ADAMTS2: variants seen among roughly 807,000 people sequenced by gnomAD.
ADAMTS2 encodes ADAM metallopeptidase with thrombospondin type 1 motif 2.
ADAMTS2 carries 50 observed loss-of-function variants against 123.0 expected under a neutral mutation model. That is an observed-to-expected ratio of 0.41 (90% CI 0.32 to 0.51). ADAMTS2 has a LOEUF of 0.51. Ranked by LOEUF, ADAMTS2 falls within the 20% of genes least tolerant of loss-of-function variation. The probability of loss-of-function intolerance (pLI) is 0.35; values close to 1 mark genes in which losing one functional copy is unlikely to be tolerated. For missense variants in ADAMTS2, 1,494 were observed against 1,705.2 expected (o/e 0.88, Z 2.18); for synonymous variants, 678 against 695.4 (o/e 0.98, Z 0.39).
intron 2 of ADAMTS2, among the ~76,000 whole-genome samples, chr5:179,299,087 A>T (rs926470246): frequency 2.0e-4 from 31 of 152,202 alleles, no homozygotes; most frequent in African/African-American, 7.5e-4. Flanking sequence ...TCAAGAGGGC[A>T]GAAGAGAGAG....
At chr5:179,238,992 C>T (rs545908446) in intron 3 of ADAMTS2, among the ~76,000 whole-genome samples, 54 of 151,018 alleles carry the variant, frequency 3.6e-4, no homozygotes, top group African/African-American at 1.1e-3. Flanking sequence ...GGAGGAAGGA[C>T]GACAGCTAAG....
At chr5:179,321,472 A>G (rs578003878) in intron 2 of ADAMTS2, among the ~76,000 whole-genome samples, 1 of 152,024 alleles carries the variant, frequency 6.6e-6, no homozygotes, top group East Asian at 1.9e-4. Flanking sequence ...GCCCCCTGCC[A>G]TCCCAATTCC....
At chr5:179,237,115 A>G (rs1765547161) in intron 3 of ADAMTS2, among the ~76,000 whole-genome samples, 1 of 151,986 alleles carries the variant, frequency 6.6e-6, no homozygotes, top group Admixed American at 6.5e-5. Flanking sequence ...AAAAAAAAAT[A>G]TGTTGCATGT....
intron 2 of ADAMTS2, among the ~76,000 whole-genome samples, chr5:179,299,924 C>G (rs547509514): frequency 1.3e-5 from 2 of 151,858 alleles, no homozygotes; most frequent in African/African-American, 4.8e-5. Flanking sequence ...GAAACCCCGT[C>G]TCTACTAAAA....
intron 2 of ADAMTS2, among the ~76,000 whole-genome samples, chr5:179,291,148 G>A (rs111533553): frequency 7.9e-5 from 12 of 152,322 alleles, no homozygotes; most frequent in Admixed American, 2.0e-4. Flanking sequence ...ATGCTGACAC[G>A]TGGGTTTTGA....
In ADAMTS2 at chr5:179,299,315, G is replaced by A. The variant is rs377336695; in HGVS notation, c.535-26251C>T. Among the ~76,000 whole-genome samples the A allele has an allele frequency of 1.4e-4, 15 of 108,630 alleles. No homozygotes were observed. In the East Asian group the frequency reaches 1.9e-3, roughly 14 times the overall value. 71.3% of individuals were successfully genotyped at this position (108,630 alleles called of 152,430 possible). On this transcript the variant is annotated intron_variant, in intron 2 of 21. Coordinates refer to ENST00000251582, the MANE Select transcript of ADAMTS2 (RefSeq NM_014244.5). Reference sequence around the variant, plus strand: ...GAGGCTGAGGCGGGCGGATCACGAGGTCAGGAGATGGAGACCATCCTGGCT... The same window carrying A: ...GAGGCTGAGGCGGGCGGATCACGAGATCAGGAGATGGAGACCATCCTGGCT...
At chr5:179,297,737 C>T (rs532342348) in intron 2 of ADAMTS2, among the ~76,000 whole-genome samples, 17 of 152,132 alleles carry the variant, frequency 1.1e-4, no homozygotes, top group Non-Finnish European at 2.2e-4. Flanking sequence ...TGCTCTGAGC[C>T]GAGACAACCC....
intron 3 of ADAMTS2, among the ~76,000 whole-genome samples, chr5:179,268,727 G>A (rs1766441748): frequency 1.3e-5 from 2 of 152,234 alleles, no homozygotes; most frequent in Non-Finnish European, 2.9e-5. Context: ...CAGTGAGGGA[G>A]GCAGCAGGAC....
At chr5:179,223,691 C>T (rs1017987773) in intron 3 of ADAMTS2, among the ~76,000 whole-genome samples, 22 of 150,852 alleles carry the variant, frequency 1.5e-4, no homozygotes, top group Non-Finnish European at 2.4e-4. Context: ...CTCACACACA[C>T]GAATGCTCTT....
At chr5:179,201,493 G>GT (rs1392189649) in intron 4 of ADAMTS2, among the ~76,000 whole-genome samples, 1 of 151,808 alleles carries the variant, frequency 6.6e-6, no homozygotes, top group Non-Finnish European at 1.5e-5. Context: ...ATTTTACATA[G>GT]CAAAAAAAAT....
At chr5:179,119,892 A>G (rs1762723811) in intron 21 of ADAMTS2, among the ~76,000 whole-genome samples, 1 of 152,044 alleles carries the variant, frequency 6.6e-6, no homozygotes, top group African/African-American at 2.4e-5. Flanking sequence ...TAGAACCTAG[A>G]TATTCTTGCG....
chr5:179,322,168 C>A (rs1354307804), intron 2 of ADAMTS2, among the ~76,000 whole-genome samples: 1 of 152,190 alleles, frequency 6.6e-6, no homozygotes, highest in Non-Finnish European at 1.5e-5. Flanking sequence ...TATATGAAGG[C>A]ACATACGACA....
intron 2 of ADAMTS2, among the ~76,000 whole-genome samples, chr5:179,325,616 G>C (rs1581277604): frequency 6.6e-6 from 1 of 152,374 alleles, no homozygotes; most frequent in East Asian, 1.9e-4. Flanking sequence ...GACCCAACCT[G>C]AGCCAGTGAG....
intron 3 of ADAMTS2, among the ~76,000 whole-genome samples, chr5:179,268,045 C>T (rs184670873): frequency 6.6e-6 from 1 of 152,372 alleles, no homozygotes; most frequent in East Asian, 1.9e-4. Flanking sequence ...AGTTCATCCT[C>T]TCATTCCAGA....
chr5:179,266,999 G>A (rs1766389644), intron 3 of ADAMTS2, among the ~76,000 whole-genome samples: 2 of 152,254 alleles, frequency 1.3e-5, no homozygotes, highest in African/African-American at 4.8e-5. Context: ...ACTGGAGGGC[G>A]CCATCCCCAC....
At chr5:179,336,579 T>A (rs766333110) in intron 2 of ADAMTS2, among the ~76,000 whole-genome samples, 24 of 152,004 alleles carry the variant, frequency 1.6e-4, no homozygotes, top group Non-Finnish European at 3.1e-4. Flanking sequence ...TCTTTCTTGG[T>A]GGCGTATAAA....
intron 2 of ADAMTS2, among the ~76,000 whole-genome samples, chr5:179,335,630 T>C (rs1757593968): frequency 6.6e-6 from 1 of 152,210 alleles, no homozygotes; most frequent in East Asian, 1.9e-4. Context: ...TGGTGTACTA[T>C]AACCCATAAA....
chr5:179,160,121 G>A (rs542308396), intron 5 of ADAMTS2, among the ~76,000 whole-genome samples: 1 of 152,284 alleles, frequency 6.6e-6, no homozygotes, highest in African/African-American at 2.4e-5. Context: ...TTGCATAAAT[G>A]TATCCACAAA....
chr5:179,191,446 GGTCC>G (rs202208502), intron 4 of ADAMTS2, among the ~76,000 whole-genome samples: 2,254 of 152,258 alleles, frequency 0.015, 63 homozygotes, highest in African/African-American at 0.05. Context: ...CGGTCACCTG[GGTCC>G]GTTTGAGCAC....
Sources: gnomAD v4.1 joint callset for allele counts (sites outside exome capture counted in the v4.1 genomes callset) on GRCh38, gnomAD v4.1.1 for gene constraint, MANE v1.5 for transcripts, NCBI Gene and HGNC (gene_info 2026-07-23, HGNC 2026-07-21) for gene names.